The following ZNF182 variants were observed in gnomAD, a reference collection of about 807,000 sequenced individuals.
ZNF182 encodes zinc finger protein 21 (KOX 14).
Under a neutral mutation model 28.1 loss-of-function variants are expected in ZNF182, and 10 were observed. The ratio of observed to expected loss-of-function variants is 0.36; its 90% CI spans 0.22 to 0.60. The LOEUF (loss-of-function observed/expected upper bound fraction) is 0.60. Among genes scored for constraint, ZNF182 ranks in the 20% least tolerant of loss-of-function variants. ZNF182 has a pLI of 0.75. For synonymous variants in ZNF182, 156 were observed against 158.7 expected, an observed-to-expected ratio of 0.98 and a Z score of 0.13; for missense variants, 352 against 453.2, an observed-to-expected ratio of 0.78 and a Z score of 2.03.
In ZNF182 at chrX:48,003,535, C is replaced by G. The variant is rs1287772448; in HGVS notation, c.-72G>C. ...CACCGGGGCCGCCTTGCCCAGAAGC[C>G]GGAAAGAGGCCTTCGGGTGCGGGGG... On this transcript the variant is annotated 5_prime_UTR_variant, in exon 2 of 6. Coordinates refer to ENST00000376943, the MANE Select transcript of ZNF182 (RefSeq NM_001007088.2). 2.7e-5 allele frequency: 3 copies of G among 111,197 alleles called. No individual in the cohort carries two copies. Among genetic ancestry groups the G allele is most frequent in the Non-Finnish European group, 5.7e-5 (3 of 53,041 alleles). 9.2% of individuals were successfully genotyped at this position (111,197 alleles called of 1,213,427 possible).
chrX:47,986,172 T>C (rs1283674152), intron 3 of ZNF182, among the ~76,000 whole-genome samples: 2 of 112,092 alleles, frequency 1.8e-5, no homozygotes, highest in Non-Finnish European at 3.8e-5. Flanking sequence ...CCACAATCCA[T>C]TGAGGTATTT....
chrX:47,981,947 T>C (rs1556899161), intron 5 of ZNF182, among the ~76,000 whole-genome samples: 1 of 108,191 alleles, frequency 9.2e-6, no homozygotes. Flanking sequence ...TACCACCACA[T>C]GGTATAATTC....
chrX:47,982,832 T>C (rs1556899290), intron 5 of ZNF182, 117 bp downstream of exon 5: 2 of 648,868 alleles, frequency 3.1e-6, no homozygotes, highest in East Asian at 6.9e-5. Flanking sequence ...CCTCCAACAG[T>C]GCCAAGGGCC....
At chrX:47,988,987 A>C (rs1470090545) in intron 3 of ZNF182, among the ~76,000 whole-genome samples, 1 of 112,492 alleles carries the variant, frequency 8.9e-6, no homozygotes, top group Admixed American at 9.4e-5. Flanking sequence ...TAATTGGTGA[A>C]AAGTTTGATG....
At chrX:47,986,429 C>T (rs1556899816) in intron 3 of ZNF182, among the ~76,000 whole-genome samples, 1 of 112,217 alleles carries the variant, frequency 8.9e-6, no homozygotes, top group African/African-American at 3.2e-5. Flanking sequence ...GTGTTGTTAA[C>T]TTTATGTAAC....
intron 2 of ZNF182, 128 bp downstream of exon 2, chrX:48,003,379 AT>A (rs2058985664): frequency 8.9e-6 from 1 of 112,349 alleles, no homozygotes. Context: ...CTCTAAAACT[AT>A]TATCCCAATT....
At chrX:47,985,076 G>A (rs1220091427) in intron 3 of ZNF182, among the ~76,000 whole-genome samples, 1 of 112,073 alleles carries the variant, frequency 8.9e-6, no homozygotes, top group African/African-American at 3.2e-5. Flanking sequence ...CCACTCCCAC[G>A]TTTATTTACC....
At chrX:47,997,511 G>A (rs984328595) in intron 3 of ZNF182, among the ~76,000 whole-genome samples, 16 of 110,331 alleles carry the variant, frequency 1.5e-4, no homozygotes, top group Admixed American at 8.7e-4. Context: ...AAAATTCACC[G>A]GCCAGGCACA....
At chrX:47,986,669 T>C (rs1289791927) in intron 3 of ZNF182, among the ~76,000 whole-genome samples, 1 of 111,479 alleles carries the variant, frequency 9.0e-6, no homozygotes, top group Non-Finnish European at 1.9e-5. Flanking sequence ...TCTGTGAGGG[T>C]GTTGCCAGAG....
intron 3 of ZNF182, among the ~76,000 whole-genome samples, chrX:47,999,739 A>C (rs782621218): frequency 7.1e-5 from 8 of 112,903 alleles, no homozygotes; most frequent in African/African-American, 2.6e-4. Flanking sequence ...TAAATGTTTG[A>C]GATGGATATG....
intron 3 of ZNF182, among the ~76,000 whole-genome samples, chrX:47,993,082 A>C (rs879983438): frequency 2.6e-5 from 3 of 113,216 alleles, no homozygotes; most frequent in Non-Finnish European, 5.6e-5. Flanking sequence ...GCCCACCCCC[A>C]GACCTCTAGG....
At chrX:47,993,318 C>T (rs959543792) in intron 3 of ZNF182, among the ~76,000 whole-genome samples, 41 of 112,310 alleles carry the variant, frequency 3.7e-4, no homozygotes, top group African/African-American at 1.2e-3. Flanking sequence ...TTGACTGTTC[C>T]TGAGTTGTAT....
chrX:47,999,362 CAAAA>C (rs34268696), intron 3 of ZNF182, among the ~76,000 whole-genome samples: 3 of 85,336 alleles, frequency 3.5e-5, no homozygotes. Context: ...GACTCCATCT[CAAAA>C]AAAAAAAAAA....
chrX:47,985,868 C>T (rs2058921605), intron 3 of ZNF182, among the ~76,000 whole-genome samples: 2 of 111,402 alleles, frequency 1.8e-5, no homozygotes, highest in Non-Finnish European at 3.8e-5. Flanking sequence ...GTTAAGACTG[C>T]CACCTGGCTA....
rs2146465848 is a variant in ZNF182 at position 47,988,755 on chromosome X, C to T, written c.16-5344G>A. 3 of 290,316 alleles carry T rather than the reference C, an allele frequency of 1.0e-5. No homozygotes were observed. The East Asian group carries it at 1.5e-4, about 14-fold the overall frequency. 23.9% of individuals were successfully genotyped at this position (290,316 alleles called of 1,213,427 possible). ...ACTGGCCAACTCAGGGACAACTGAG[C>T]ATCGAAATAAATAATGACAGTAATA... On this transcript the variant is annotated intron_variant, in intron 3 of 5. Coordinates refer to ENST00000376943, the MANE Select transcript of ZNF182 (RefSeq NM_001007088.2).
intron 3 of ZNF182, among the ~76,000 whole-genome samples, chrX:47,994,661 T>C (rs974164300): frequency 2.5e-4 from 28 of 111,675 alleles, no homozygotes; most frequent in Non-Finnish European, 5.3e-4. Flanking sequence ...GTGTGTAAGA[T>C]GGAGTCTCGC....
At chrX:48,003,237 C>T (rs1176220347) in intron 2 of ZNF182, among the ~76,000 whole-genome samples, 2 of 112,548 alleles carry the variant, frequency 1.8e-5, no homozygotes, top group Non-Finnish European at 3.8e-5. Context: ...CCCCTATACA[C>T]ACCAAAAATG....
Position 47,977,445 on chromosome X carries a change from A to T in ZNF182, c.585T>A (p.Gly195=). The change falls in exon 6 of 6, where the codon GGT becomes GGA. Residue 195 remains glycine (G), a synonymous_variant. Transcript: ENST00000376943. ...GACTAAGGCCTTTCTTTCGCCTAAGACCTTTCCCACACTCTTTATAGCCAT... is the reference window on the plus strand; with the variant it reads ...GACTAAGGCCTTTCTTTCGCCTAAGTCCTTTCCCACACTCTTTATAGCCAT... ...KPYGYKECGK[G]LRRKKGLSLH... 2 of 1,211,238 alleles carry T rather than the reference A, an allele frequency of 1.7e-6. No homozygotes were observed. The highest frequency in any genetic ancestry group is 2.2e-6 in the Non-Finnish European group (2 of 895,400).
intron 5 of ZNF182, 30 bp downstream of exon 5, chrX:47,982,918 TC>T: frequency 8.5e-7 from 1 of 1,181,425 alleles, no homozygotes; most frequent in Non-Finnish European, 1.2e-6. Flanking sequence ...GAACTTCATG[TC>T]CCCAGAGCCT....
Sources: allele counts gnomAD v4.1 joint callset (sites outside exome capture counted in the v4.1 genomes callset), GRCh38; gene constraint gnomAD v4.1.1; transcripts MANE v1.5; gene names NCBI Gene and HGNC (gene_info 2026-07-23, HGNC 2026-07-21).